Variants in PRKCB observed in about 807,000 individuals in gnomAD.
PRKCB encodes the protein protein kinase C beta, also known as protein kinase C beta type.
A neutral mutation model predicts 81.5 loss-of-function variants in PRKCB; 13 were observed. The observed-to-expected ratio is 0.16, with a 90% CI of 0.10 to 0.25. The LOEUF (loss-of-function observed/expected upper bound fraction) is 0.25, where lower values mean the gene tolerates loss of function less well. PRKCB is among the 10% of genes least tolerant of loss of function. The pLI is 1.00. For missense variants in PRKCB, 509 were observed against 875.7 expected, an observed-to-expected ratio of 0.58 and a Z score of 5.29; for synonymous variants, 335 against 321.4, an observed-to-expected ratio of 1.04 and a Z score of -0.45.
chr16:23,924,800 A>G (rs1963874505), intron 2 of PRKCB, among the ~76,000 whole-genome samples: 1 of 152,132 alleles, frequency 6.6e-6, no homozygotes, highest in South Asian at 2.1e-4. Flanking sequence ...TAGCCATTTC[A>G]CTATGTATAC....
chr16:24,040,330 A>C (rs1456101610), intron 5 of PRKCB, among the ~76,000 whole-genome samples: 1 of 151,960 alleles, frequency 6.6e-6, no homozygotes, highest in East Asian at 1.9e-4. Context: ...ACTGCCACAC[A>C]CCATAAGACA....
chr16:24,061,963 C>T (rs1028737881), intron 5 of PRKCB, among the ~76,000 whole-genome samples: 1 of 150,544 alleles, frequency 6.6e-6, no homozygotes, highest in East Asian at 1.9e-4. Flanking sequence ...TGAAAATGCC[C>T]ATGTTGTTGA....
Position 24,032,206 on chromosome 16 carries a change from C to A in PRKCB, c.359C>A (p.Ser120Ter). The A allele has an allele frequency of 6.2e-7, 1 of 1,613,598 alleles. No individual in the cohort carries two copies. Among genetic ancestry groups the A allele is most frequent in the South Asian group, 1.1e-5 (1 of 91,036 alleles). ...SSPTFCDHCG[S>*]LLYGLIHQGM... The stretch of plus-strand genomic sequence containing the variant: ...CCCACGTTTTGTGACCACTGTGGGT[C>A]ACTGCTGTATGGACTCATCCACCAG... The change falls in exon 4 of 17, where the codon TCA (serine) becomes TAA (stop). Residue 120 changes from serine (S) to a stop codon, truncating the protein, a stop_gained. Coordinates refer to ENST00000643927, the MANE Select transcript of PRKCB (RefSeq NM_002738.7). LOFTEE classifies it high-confidence loss of function.
intron 9 of PRKCB, among the ~76,000 whole-genome samples, chr16:24,132,976 A>G (rs1348270590): frequency 6.6e-6 from 1 of 152,068 alleles, no homozygotes; most frequent in East Asian, 1.9e-4. Flanking sequence ...TTGAAACTTA[A>G]CATGTAATTT....
chr16:24,201,997 C>T (rs1355319464), intron 16 of PRKCB, among the ~76,000 whole-genome samples: 2 of 149,124 alleles, frequency 1.3e-5, no homozygotes, highest in African/African-American at 5.0e-5. Context: ...GATAGCGCCA[C>T]TGCAGTCCAG....
chr16:23,844,783 A>G (rs970561669), intron 2 of PRKCB, among the ~76,000 whole-genome samples: 1 of 151,106 alleles, frequency 6.6e-6, no homozygotes, highest in African/African-American at 2.4e-5. Flanking sequence ...CTGAGATTAT[A>G]GGCGTGAGCC....
At chr16:23,935,324 A>G (rs1332775444) in intron 2 of PRKCB, among the ~76,000 whole-genome samples, 1 of 152,184 alleles carries the variant, frequency 6.6e-6, no homozygotes, top group East Asian at 1.9e-4. Flanking sequence ...AATAATCTGT[A>G]CTTTCTATAA....
At chr16:24,174,685 G>A in intron 12 of PRKCB, 105 bp downstream of exon 12, 3 of 1,082,434 alleles carry the variant, frequency 2.8e-6, no homozygotes, top group Non-Finnish European at 4.1e-6. Context: ...CGGTGGGGGA[G>A]GAATCCTCCA....
chr16:24,010,838 T>C (rs1282114887), intron 3 of PRKCB, among the ~76,000 whole-genome samples: 1 of 152,170 alleles, frequency 6.6e-6, no homozygotes, highest in Non-Finnish European at 1.5e-5. Context: ...TTTGGTCAAT[T>C]ACCTACTCCC....
intron 3 of PRKCB, among the ~76,000 whole-genome samples, chr16:24,003,253 C>G (rs1176620593): frequency 6.6e-6 from 1 of 152,144 alleles, no homozygotes; most frequent in Admixed American, 6.5e-5. Context: ...TGCGGGGCCC[C>G]TGACTGATGC....
chr16:24,199,131 C>G (rs1268556162), intron 16 of PRKCB, among the ~76,000 whole-genome samples: 2 of 152,210 alleles, frequency 1.3e-5, no homozygotes, highest in Non-Finnish European at 2.9e-5. Context: ...TTGTCCTATG[C>G]TCTGTTAGTA....
At chr16:23,930,036 G>A (rs970370992) in intron 2 of PRKCB, among the ~76,000 whole-genome samples, 1 of 152,052 alleles carries the variant, frequency 6.6e-6, no homozygotes, top group Non-Finnish European at 1.5e-5. Context: ...TTTGTAGAGA[G>A]CTCATGTGAT....
intron 15 of PRKCB, among the ~76,000 whole-genome samples, chr16:24,188,870 G>T (rs186458620): frequency 6.6e-6 from 1 of 152,202 alleles, no homozygotes. Context: ...AGGCCTTAGA[G>T]TATTGTTGCA....
At chr16:24,142,324 G>A (rs1189287918) in intron 9 of PRKCB, among the ~76,000 whole-genome samples, 1 of 152,200 alleles carries the variant, frequency 6.6e-6, no homozygotes, top group Non-Finnish European at 1.5e-5. Context: ...CAGGATACCT[G>A]CCACGTGGTA....
At chr16:24,079,256 A>G (rs978856511) in intron 5 of PRKCB, among the ~76,000 whole-genome samples, 1 of 152,202 alleles carries the variant, frequency 6.6e-6, no homozygotes, top group South Asian at 2.1e-4. Flanking sequence ...ACCCAGGTGA[A>G]ATAAACAGCC....
rs747538806 is a variant in PRKCB at position 24,035,400 on chromosome 16, CCT to C, written c.401-12_401-11del. The stretch of plus-strand genomic sequence containing the variant: ...GCCTGGGCCAGCCTAAGCCACATCC[CCT>C]CTCTCTGCCCTCACAGCCTGCATGA... On this transcript the variant is annotated splice_polypyrimidine_tract_variant and intron_variant, in intron 4 of 16. Coordinates refer to ENST00000643927, the MANE Select transcript of PRKCB (RefSeq NM_002738.7). The C allele has an allele frequency of 9.9e-6, 16 of 1,611,864 alleles. No individual in the cohort carries two copies. Among genetic ancestry groups the C allele is most frequent in the Non-Finnish European group, 1.2e-5 (14 of 1,178,892 alleles).
At chr16:23,948,739 A>G (rs1442483070) in intron 2 of PRKCB, among the ~76,000 whole-genome samples, 1 of 152,202 alleles carries the variant, frequency 6.6e-6, no homozygotes, top group African/African-American at 2.4e-5. Context: ...CTAGTGAGGT[A>G]GGTGTTATTA....
rs1555477153 is a variant in PRKCB, at chr16:23,836,768, C to CCGGGGG, written c.173+420_173+421insCGGGGG. 2.1e-5 allele frequency among the ~76,000 whole-genome samples: 3 copies of CCGGGGG among 141,910 alleles called. 1 individual carries two copies. The highest frequency in any genetic ancestry group is 7.7e-5 in the African/African-American group (3 of 39,062). 93.1% of individuals were successfully genotyped at this position (141,910 alleles called of 152,430 possible). On this transcript the variant is annotated intron_variant, in intron 1 of 16. Coordinates refer to ENST00000643927, the MANE Select transcript of PRKCB (RefSeq NM_002738.7). Reference sequence around the variant, plus strand: ...GCCCTCGCCCCCCACCCCTTGTTTCCGGGGGGGGCGGCGCCCTGGGTGTCC... The same window carrying CCGGGGG: ...GCCCTCGCCCCCCACCCCTTGTTTCCCGGGGGGGGGGGGGCGGCGCCCTGGGTGTCC...
chr16:24,147,024 T>C (rs1184106386), intron 9 of PRKCB, among the ~76,000 whole-genome samples: 1 of 152,070 alleles, frequency 6.6e-6, no homozygotes, highest in African/African-American at 2.4e-5. Context: ...CTTCACAGCA[T>C]ATGGCCGGGC....
Sources: allele counts gnomAD v4.1 joint callset (sites outside exome capture counted in the v4.1 genomes callset), GRCh38; gene constraint gnomAD v4.1.1; transcripts MANE v1.5; gene names NCBI Gene and HGNC (gene_info 2026-07-23, HGNC 2026-07-21).